SORT1: variants seen among roughly 807,000 people sequenced by gnomAD.
SORT1 encodes sortilin 1, also known as sortilin.
In SORT1, 39 loss-of-function variants were observed where a neutral mutation model predicts 101.7. The ratio of observed to expected loss-of-function variants is 0.38; its 90% CI spans 0.30 to 0.50. The LOEUF (loss-of-function observed/expected upper bound fraction) is 0.50. SORT1 is among the 20% of genes least tolerant of loss of function. The pLI, the probability that SORT1 is intolerant of heterozygous loss-of-function variation, is 0.90. For synonymous variants in SORT1, 396 were observed against 393.7 expected (o/e 1.01, Z -0.07); for missense variants, 878 against 1,040.4 (o/e 0.84, Z 2.15).
intron 4 of SORT1, 105 bp from the exon 5 acceptor site, chr1:109,354,636 T>C (rs939415045): frequency 1.9e-5 from 16 of 835,842 alleles, no homozygotes; most frequent in Non-Finnish European, 3.0e-5. Context: ...ATTTTAGTTC[T>C]AGAAATAAGA....
chr1:109,357,214 T>TA (rs1012261777), intron 3 of SORT1, among the ~76,000 whole-genome samples: 11 of 152,234 alleles, frequency 7.2e-5, no homozygotes, highest in Admixed American at 7.2e-4. Flanking sequence ...CTGTGGTGTG[T>TA]AGCAGGCTAT....
intron 1 of SORT1, among the ~76,000 whole-genome samples, chr1:109,388,186 G>A (rs1652696074): frequency 6.6e-6 from 1 of 151,550 alleles, no homozygotes; most frequent in South Asian, 2.1e-4. Context: ...TCCTGCCTCA[G>A]CCTTCCAAAT....
rs563507755 is a variant in SORT1 at position 109,330,025 on chromosome 1, G to A, written c.1372-2424C>T. 6.6e-5 allele frequency among the ~76,000 whole-genome samples: 10 copies of A among 151,760 alleles called. 1 individual carries two copies. Among genetic ancestry groups the A allele is most frequent in the East Asian group, 5.8e-4 (3 of 5,176 alleles). On this transcript the variant is annotated intron_variant, in intron 11 of 19. Coordinates refer to ENST00000256637, the MANE Select transcript of SORT1 (RefSeq NM_002959.7). ...GTATCCTTTCTTTTTTTTTTGAGAC[G>A]GAGTCTCACTCTGTCACCTGGGCTG...
intron 8 of SORT1, among the ~76,000 whole-genome samples, chr1:109,342,790 GAA>G (rs1649315669): frequency 6.6e-6 from 1 of 152,022 alleles, no homozygotes; most frequent in African/African-American, 2.4e-5. Context: ...TTTGGCTGAC[GAA>G]AAGAGTCTGT....
intron 14 of SORT1, 107 bp from the exon 15 acceptor site, chr1:109,323,228 T>C (rs1647759030): frequency 1.2e-5 from 9 of 736,102 alleles, no homozygotes; most frequent in Admixed American, 4.8e-5. Context: ...TGGGAATGTC[T>C]GACTCAACCT....
At chr1:109,326,922 A>C in intron 13 of SORT1, 70 bp downstream of exon 13, 1 of 1,207,702 alleles carries the variant, frequency 8.3e-7, no homozygotes, top group East Asian at 2.6e-5. Context: ...ACATCCCCCC[A>C]ATAAACTGAA....
intron 1 of SORT1, among the ~76,000 whole-genome samples, chr1:109,386,367 T>C (rs1652567921): frequency 6.6e-6 from 1 of 151,910 alleles, no homozygotes. Context: ...CATGGCACAG[T>C]CCAAAATTAT....
At chr1:109,377,374 A>G (rs543821226) in intron 1 of SORT1, among the ~76,000 whole-genome samples, 1 of 151,888 alleles carries the variant, frequency 6.6e-6, no homozygotes, top group African/African-American at 2.4e-5. Context: ...TTTTCTTAGT[A>G]TTTTTTTTAA....
At chr1:109,314,619 A>T (rs1465264111) in intron 18 of SORT1, 53 bp downstream of exon 18, 1 of 1,299,928 alleles carries the variant, frequency 7.7e-7, no homozygotes, top group Non-Finnish European at 1.1e-6. Context: ...TATGCCCTAG[A>T]TCAGCCTTCT....
intron 3 of SORT1, among the ~76,000 whole-genome samples, chr1:109,364,512 A>C (rs1368171349): frequency 6.6e-6 from 1 of 152,140 alleles, no homozygotes; most frequent in Non-Finnish European, 1.5e-5. Context: ...AACAGCTACA[A>C]CCTAACTATC....
intron 8 of SORT1, among the ~76,000 whole-genome samples, chr1:109,343,139 GGTAA>G (rs1344219795): frequency 6.6e-6 from 1 of 152,134 alleles, no homozygotes; most frequent in Non-Finnish European, 1.5e-5. Context: ...GTTGACCCTA[GGTAA>G]GTTACTCAAT....
chr1:109,356,540 C>A (rs1308689046), intron 3 of SORT1, among the ~76,000 whole-genome samples: 1 of 152,124 alleles, frequency 6.6e-6, no homozygotes, highest in Non-Finnish European at 1.5e-5. Context: ...GAGATCTATG[C>A]AAAGTGCTCC....
At chr1:109,317,062 T>C in intron 16 of SORT1, 104 bp from the exon 17 acceptor site, 1 of 743,912 alleles carries the variant, frequency 1.3e-6, no homozygotes, top group Non-Finnish European at 2.3e-6. Context: ...AAGCTTCCCA[T>C]CCTTACGTCA....
rs1316996948 is a variant in SORT1, at chr1:109,310,546, T to C, written c.*3497A>G. The C allele has an allele frequency of 6.5e-6, 1 of 154,048 alleles. No individual in the cohort carries two copies. The highest frequency in any genetic ancestry group is 1.5e-5 in the Non-Finnish European group (1 of 68,050). 9.5% of individuals were successfully genotyped at this position (154,048 alleles called of 1,614,324 possible). A position where few individuals can be genotyped will look rare whatever the true frequency, so the allele number is the denominator to read the frequency against. On this transcript the variant is annotated 3_prime_UTR_variant, in exon 20 of 20. Transcript: ENST00000256637. ...ACATTTAAGTCCATGTTCATTTTCC[T>C]GCTTCAGGGAAGATGGTAGCAAAGT...
rs143109007 is a variant in SORT1 at position 109,312,266 on chromosome 1, T to C, written c.*1777A>G. The C allele has an allele frequency of 2.6e-5, 4 of 152,694 alleles. No homozygotes were observed. Among genetic ancestry groups the C allele is most frequent in the Non-Finnish European group, 5.9e-5 (4 of 68,016 alleles). The allele number at this position is 152,694 out of a possible 1,614,324, so 9.5% of individuals were successfully genotyped here. ...GGAATTATTTTTAATTTTAAAACCA[T>C]GCAAAATGAATAAGCAAAAAGACTA... On this transcript the variant is annotated 3_prime_UTR_variant, in exon 20 of 20. Coordinates refer to ENST00000256637, the MANE Select transcript of SORT1 (RefSeq NM_002959.7).
intron 1 of SORT1, among the ~76,000 whole-genome samples, chr1:109,386,486 T>C (rs1234697211): frequency 1.3e-5 from 2 of 152,188 alleles, no homozygotes; most frequent in South Asian, 2.1e-4. Flanking sequence ...CTGAAGGGAC[T>C]GGTTAGAAGA....
At chr1:109,317,574 G>A (rs1347857751) in intron 16 of SORT1, among the ~76,000 whole-genome samples, 1 of 152,194 alleles carries the variant, frequency 6.6e-6, no homozygotes, top group Non-Finnish European at 1.5e-5. Flanking sequence ...CTCCCTTCCT[G>A]GGGGTGGTTG....
chr1:109,373,071 GA>G (rs1000678892), intron 1 of SORT1, among the ~76,000 whole-genome samples: 2 of 149,592 alleles, frequency 1.3e-5, no homozygotes, highest in Non-Finnish European at 3.0e-5. Context: ...GAAAAGAAAA[GA>G]AAAAAAAACC....
intron 1 of SORT1, among the ~76,000 whole-genome samples, chr1:109,371,007 G>C (rs1326833662): frequency 6.6e-6 from 1 of 152,210 alleles, no homozygotes; most frequent in Non-Finnish European, 1.5e-5. Flanking sequence ...TTGCAGTCTT[G>C]AATGGGCTTC....
Sources: allele counts gnomAD v4.1 joint callset (sites outside exome capture counted in the v4.1 genomes callset), GRCh38; gene constraint gnomAD v4.1.1; transcripts MANE v1.5; gene names NCBI Gene and HGNC (gene_info 2026-07-23, HGNC 2026-07-21).